APOL6: variants seen among roughly 807,000 people sequenced by gnomAD.
APOL6 encodes apolipoprotein L, 6.
In APOL6, 1 loss-of-function variant was observed where a neutral mutation model predicts 2.4. The ratio of observed to expected loss-of-function variants is 0.41; its 90% CI spans 0.15 to 1.94. The LOEUF (loss-of-function observed/expected upper bound fraction) is 1.94, where lower values mean the gene tolerates loss of function less well. Ranked by LOEUF, APOL6 falls within the 30% of genes most tolerant of loss-of-function variation. The pLI is 0.30. For synonymous variants in APOL6, 189 were observed against 169.3 expected, an observed-to-expected ratio of 1.12 and a Z score of -0.90; for missense variants, 438 against 429.2, an observed-to-expected ratio of 1.02 and a Z score of -0.18.
At position 35,661,407 on chromosome 22, in the gene APOL6, TTG is replaced by T. The variant is rs1925025089; in HGVS notation, c.*1812_*1813del. The T allele has an allele frequency of 6.6e-6, 1 of 151,322 alleles. No homozygotes were observed. The highest frequency in any genetic ancestry group is 2.4e-5 in the African/African-American group (1 of 41,216). 9.4% of individuals were successfully genotyped at this position (151,322 alleles called of 1,614,324 possible). A position where few individuals can be genotyped will look rare whatever the true frequency, so the allele number is the denominator to read the frequency against. The stretch of plus-strand genomic sequence containing the variant: ...GAAGAAGAATACAGTCATGTATCTC[TTG>T]GTGACAGGGACGCATTCTGATAAAT... On this transcript the variant is annotated 3_prime_UTR_variant, in exon 3 of 3. Transcript: ENST00000409652.
chr22:35,660,711 C>T lies in APOL6; in HGVS notation c.*1115C>T, dbSNP rs1924999923. ...GGCTCACTCTCTGCTTCACAGATGG[C>T]ACTGTCTTGCTGTGTTCTCACATGG... On this transcript the variant is annotated 3_prime_UTR_variant, in exon 3 of 3. Transcript: ENST00000409652. The T allele has an allele frequency of 6.6e-6, 1 of 152,568 alleles. No homozygotes were observed. The highest frequency in any genetic ancestry group is 2.4e-5 in the African/African-American group (1 of 41,470). The allele number at this position is 152,568 out of a possible 1,614,324, so 9.5% of individuals were successfully genotyped here.
At chr22:35,654,847 G>A (rs1924800849) in intron 1 of APOL6, among the ~76,000 whole-genome samples, 1 of 152,046 alleles carries the variant, frequency 6.6e-6, no homozygotes, top group Admixed American at 6.6e-5. Context: ...ATGCAGGAAG[G>A]TTCTCTGTCC....
chr22:35,655,587 A>T (rs1924823920), intron 1 of APOL6, among the ~76,000 whole-genome samples: 1 of 152,096 alleles, frequency 6.6e-6, no homozygotes, highest in South Asian at 2.1e-4. Flanking sequence ...TTAACTATAT[A>T]AAAAAACTAT....
rs1292147099 is a variant in APOL6, at chr22:35,666,112, CTT to C, written c.*6517_*6518del. ...TGAAACTCCTATAATTCTAATATAA[CTT>C]AGTGTACATTATCAGTAATAATCAT... is the stretch of plus-strand genomic sequence containing the variant. On this transcript the variant is annotated 3_prime_UTR_variant, in exon 3 of 3. Transcript: ENST00000409652. The C allele has an allele frequency of 6.6e-6, 1 of 152,000 alleles. No individual in the cohort carries two copies. The highest frequency in any genetic ancestry group is 1.9e-4 in the East Asian group (1 of 5,184). 9.4% of individuals were successfully genotyped at this position (152,000 alleles called of 1,614,324 possible).
At chr22:35,652,937 G>A (rs1924738245) in intron 1 of APOL6, among the ~76,000 whole-genome samples, 1 of 151,910 alleles carries the variant, frequency 6.6e-6, no homozygotes, top group South Asian at 2.1e-4. Flanking sequence ...TGTGAAGAAA[G>A]TCATTGGTAG....
chr22:35,663,510 C>G lies in APOL6; in HGVS notation c.*3914C>G, dbSNP rs935335115. ...CTAAGACCTTGTCTTTTTTTTGTAGCAAAAGTTTTTTTTTTTTTTTTCCTT... is the reference window on the plus strand; with the variant it reads ...CTAAGACCTTGTCTTTTTTTTGTAGGAAAAGTTTTTTTTTTTTTTTTCCTT... On this transcript the variant is annotated 3_prime_UTR_variant, in exon 3 of 3. Transcript: ENST00000409652. The G allele has an allele frequency of 6.7e-6, 1 of 148,892 alleles. No homozygotes were observed. Among genetic ancestry groups the G allele is most frequent in the Non-Finnish European group, 1.5e-5 (1 of 67,236 alleles). 9.2% of individuals were successfully genotyped at this position (148,892 alleles called of 1,614,324 possible).
rs190149914 is a variant in APOL6, at chr22:35,659,117, G to A, written c.553G>A (p.Val185Ile). 9.6e-5 allele frequency: 155 copies of A among 1,614,098 alleles called. 4 individuals are homozygous for A. In the East Asian group the frequency reaches 1.2e-3, roughly 12 times the overall value. Residue 185 changes from valine (V) to isoleucine (I), a missense_variant, in exon 3 of 3, where the codon GTC becomes ATC. Transcript: ENST00000409652. ...RNTLKYAKKNVRAFWKLRANP... is the reference protein window; with the variant it reads ...RNTLKYAKKNIRAFWKLRANP... ...CACCTTGAAGTATGCCAAGAAAAAC[G>A]TCCGTGCATTTTGGAAACTCAGAGC...
At chr22:35,657,167 A>T (rs760349309) in intron 2 of APOL6, among the ~76,000 whole-genome samples, 2 of 152,164 alleles carry the variant, frequency 1.3e-5, no homozygotes, top group Non-Finnish European at 2.9e-5. Flanking sequence ...GCAGCTACAT[A>T]TCTATTTGCT....
rs1323291484 is a variant in APOL6, at chr22:35,663,762, G to A, written c.*4166G>A. The A allele has an allele frequency of 6.6e-6, 1 of 151,900 alleles. No homozygotes were observed. Among genetic ancestry groups the A allele is most frequent in the Non-Finnish European group, 1.5e-5 (1 of 67,978 alleles). 9.4% of individuals were successfully genotyped at this position (151,900 alleles called of 1,614,324 possible). A position where few individuals can be genotyped will look rare whatever the true frequency, so the allele number is the denominator to read the frequency against. On this transcript the variant is annotated 3_prime_UTR_variant, in exon 3 of 3. Transcript: ENST00000409652. ...TTTCACCTGGGTTGTTTCCTTTAAT[G>A]TGCAAAAATTTAAGGCTATTTAGCT...
chr22:35,655,688 AC>A (rs1322678172), intron 1 of APOL6, among the ~76,000 whole-genome samples: 14 of 151,932 alleles, frequency 9.2e-5, no homozygotes, highest in Admixed American at 9.2e-4. Context: ...TTTTTTCTCA[AC>A]CCTCATAAGT....
In APOL6 at chr22:35,665,140, T is replaced by C. The variant is rs930807298; in HGVS notation, c.*5544T>C. On this transcript the variant is annotated 3_prime_UTR_variant, in exon 3 of 3. Transcript: ENST00000409652. ...CACACACACACACCCCAAAAGCTTT[T>C]ATATAATCAAGTTGTCATATTATTA... 1 of 152,074 alleles carries C rather than the reference T, an allele frequency of 6.6e-6. No individual in the cohort carries two copies. The highest frequency in any genetic ancestry group is 1.5e-5 in the Non-Finnish European group (1 of 68,012). The allele number at this position is 152,074 out of a possible 1,614,324, so 9.4% of individuals were successfully genotyped here.
rs5999924 is a variant in APOL6, at chr22:35,660,097, A to T, written c.*501A>T. ...TTCCCAGTTTTAACAAAGAGGTCACAGAGCCACAGGCGGAGTTAGGAACTA... is the reference window on the plus strand; with the variant it reads ...TTCCCAGTTTTAACAAAGAGGTCACTGAGCCACAGGCGGAGTTAGGAACTA... On this transcript the variant is annotated 3_prime_UTR_variant, in exon 3 of 3. Transcript: ENST00000409652. 0.085 allele frequency: 13,630 copies of T among 160,098 alleles called. 924 individuals carry two copies. Among genetic ancestry groups the T allele is most frequent in the East Asian group, 0.19 (1,082 of 5,560 alleles). 9.9% of individuals were successfully genotyped at this position (160,098 alleles called of 1,614,324 possible).
chr22:35,657,120 A>G (rs1924865495), intron 2 of APOL6, among the ~76,000 whole-genome samples: 1 of 152,188 alleles, frequency 6.6e-6, no homozygotes. Context: ...AAAACCAAAA[A>G]CTTTACAGTT....
chr22:35,648,846 A>T (rs570299208), intron 1 of APOL6, among the ~76,000 whole-genome samples: 2 of 152,204 alleles, frequency 1.3e-5, no homozygotes, highest in Non-Finnish European at 2.9e-5. Flanking sequence ...TTCAGGGTTA[A>T]ATTGAAACAT....
At chr22:35,652,322 A>G (rs1368476542) in intron 1 of APOL6, among the ~76,000 whole-genome samples, 3 of 151,968 alleles carry the variant, frequency 2.0e-5, no homozygotes, top group African/African-American at 7.3e-5. Context: ...AGTAGATTGC[A>G]AAAATTTTCT....
intron 2 of APOL6, 21 bp from the exon 3 acceptor site, chr22:35,658,594 C>G (rs1924909789): frequency 1.9e-6 from 3 of 1,562,660 alleles, no homozygotes; most frequent in Non-Finnish European, 2.6e-6. Context: ...GAAGCAAAAT[C>G]TTTATTTCAT....
At chr22:35,656,653 T>C (rs1267883883) in intron 2 of APOL6, among the ~76,000 whole-genome samples, 178 bp downstream of exon 2, 1 of 152,174 alleles carries the variant, frequency 6.6e-6, no homozygotes, top group Non-Finnish European at 1.5e-5. Context: ...AAATACTTCA[T>C]GGAGCTAAAG....
rs932832474 is a variant in APOL6 at position 35,665,333 on chromosome 22, A to T, written c.*5737A>T. On this transcript the variant is annotated 3_prime_UTR_variant, in exon 3 of 3. Coordinates refer to ENST00000409652, the MANE Select transcript of APOL6 (RefSeq NM_030641.4). Reference sequence around the variant, plus strand: ...AAACACTGATGACAATCAAAGCCTCATCTTAAGGCCCCGTAGAAGATGCCA... The same window carrying T: ...AAACACTGATGACAATCAAAGCCTCTTCTTAAGGCCCCGTAGAAGATGCCA... 2.6e-5 allele frequency: 4 copies of T among 152,166 alleles called. No homozygotes were observed. Among genetic ancestry groups the T allele is most frequent in the African/African-American group, 7.2e-5 (3 of 41,452 alleles). The allele number at this position is 152,166 out of a possible 1,614,324, so 9.4% of individuals were successfully genotyped here. A position where few individuals can be genotyped will look rare whatever the true frequency, so the allele number is the denominator to read the frequency against.
rs1924990015 is a variant in APOL6 at position 35,660,398 on chromosome 22, A to AAGTC, written c.*811_*814dup. 6.6e-6 allele frequency: 1 copy of AAGTC among 152,260 alleles called. No individual in the cohort carries two copies. Among genetic ancestry groups the AAGTC allele is most frequent in the African/African-American group, 2.4e-5 (1 of 41,456 alleles). 9.4% of individuals were successfully genotyped at this position (152,260 alleles called of 1,614,324 possible). Reference sequence around the variant, plus strand: ...AGAGAGCCCTCACCAGGAACTGAATAAGTCAGTCAGTCTGGGACTTCCAGC... The same window carrying AAGTC: ...AGAGAGCCCTCACCAGGAACTGAATAAGTCAGTCAGTCAGTCTGGGACTTCCAGC... On this transcript the variant is annotated 3_prime_UTR_variant, in exon 3 of 3. Coordinates refer to ENST00000409652, the MANE Select transcript of APOL6 (RefSeq NM_030641.4).
Sources: gnomAD v4.1 joint callset for allele counts (sites outside exome capture counted in the v4.1 genomes callset) on GRCh38, gnomAD v4.1.1 for gene constraint, MANE v1.5 for transcripts, NCBI Gene and HGNC (gene_info 2026-07-23, HGNC 2026-07-21) for gene names.